ANK1: variants seen among roughly 807,000 people sequenced by gnomAD.
The protein encoded by ANK1 is ankyrin-1.
A neutral mutation model predicts 210.4 loss-of-function variants in ANK1; 51 were observed. The observed-to-expected ratio is 0.24, with a 90% CI of 0.19 to 0.31. ANK1 has a LOEUF of 0.31. ANK1 is among the 10% of genes least tolerant of loss of function. The pLI is 1.00. For synonymous variants in ANK1, 967 were observed against 1,025.9 expected (o/e 0.94, Z 1.10); for missense variants, 2,051 against 2,504.4 (o/e 0.82, Z 3.86).
At chr8:41,716,514 G>A (rs1042907630) in intron 13 of ANK1, among the ~76,000 whole-genome samples, 3 of 152,106 alleles carry the variant, frequency 2.0e-5, no homozygotes, top group Non-Finnish European at 2.9e-5. Flanking sequence ...GCTGTTGGCC[G>A]AGTGAGCAAC....
chr8:41,741,650 G>A (rs1834829937), intron 2 of ANK1, among the ~76,000 whole-genome samples: 4 of 152,046 alleles, frequency 2.6e-5, no homozygotes, highest in Admixed American at 1.3e-4. Context: ...AAGCTGAAGC[G>A]ATTTACGTGG....
chr8:41,728,072 G>A, intron 3 of ANK1, 66 bp from the exon 4 acceptor site: 2 of 1,534,244 alleles, frequency 1.3e-6, no homozygotes, highest in Non-Finnish European at 9.0e-7. Flanking sequence ...ACCAGCAAAG[G>A]TCTGTGGACA....
At chr8:41,733,855 G>A in intron 3 of ANK1, 116 bp downstream of exon 3, 1 of 865,958 alleles carries the variant, frequency 1.2e-6, no homozygotes, top group South Asian at 1.4e-5. Flanking sequence ...GTGATTGGAA[G>A]GATAAGAGAA....
At chr8:41,797,993 G>T (rs1849126487), upstream of ANK1, among the ~76,000 whole-genome samples, 1 of 151,722 alleles carries the variant, frequency 6.6e-6, no homozygotes, top group African/African-American at 2.4e-5. This position sits in a 1 kb window ranked among gnomAD's most constrained non-coding sequence, Gnocchi z 4.0. Flanking sequence ...TACTAAGCGG[G>T]AATTTCTTTT....
chr8:41,722,786 C>T (rs965518427), intron 9 of ANK1, among the ~76,000 whole-genome samples: 16 of 152,184 alleles, frequency 1.1e-4, no homozygotes, highest in African/African-American at 3.6e-4. Context: ...TTGTCAATAA[C>T]GTTTTATTGG....
chr8:41,661,045 T>G (rs1017665775), intron 42 of ANK1: 2 of 262,190 alleles, frequency 7.6e-6, no homozygotes, highest in African/African-American at 4.6e-5. Flanking sequence ...TCTGGCTTTT[T>G]TTTTTCTTTT....
intron 1 of ANK1, among the ~76,000 whole-genome samples, chr8:41,780,665 G>A (rs575779753): frequency 5.3e-5 from 8 of 152,360 alleles, no homozygotes; most frequent in African/African-American, 1.4e-4. Context: ...TGGGCCACCC[G>A]GAGGGAACAT....
intron 1 of ANK1, among the ~76,000 whole-genome samples, chr8:41,794,498 C>G (rs1848367885): frequency 1.3e-5 from 2 of 152,194 alleles, no homozygotes; most frequent in Admixed American, 1.3e-4. Context: ...TTCCCTCTCC[C>G]TCAATAACAG....
chr8:41,776,279 A>G (rs1844023062), intron 1 of ANK1, among the ~76,000 whole-genome samples: 1 of 152,196 alleles, frequency 6.6e-6, no homozygotes. Flanking sequence ...AAAAAATGCC[A>G]GCCACCAATC....
chr8:41,751,750 C>T (rs562172422), intron 2 of ANK1, among the ~76,000 whole-genome samples: 12 of 152,274 alleles, frequency 7.9e-5, no homozygotes, highest in Non-Finnish European at 1.2e-4. Context: ...CCAGTCTTGC[C>T]GCTCTTGTCC....
Position 41,715,732 on chromosome 8 carries a change from G to T in ANK1, c.1522C>A (p.His508Asn), listed in dbSNP as rs1174784933. Reference sequence around the variant, plus strand: ...ACATGGCCCTCACGGGCTGCAATGTGCAGGGGGGTGTGCCCGGCGGTGGTG... The same window carrying T: ...ACATGGCCCTCACGGGCTGCAATGTTCAGGGGGGTGTGCCCGGCGGTGGTG... ...LATTAGHTPL[H>N]IAAREGHVET... Residue 508 changes from histidine to asparagine, a missense_variant, in exon 14 of 43, where the codon CAC (histidine) becomes AAC (asparagine). His to Asn is a moderately conservative substitution (Grantham distance 68). Coordinates refer to ENST00000289734, the MANE Select transcript of ANK1 (RefSeq NM_000037.4). 9 of 1,614,128 alleles carry T rather than the reference G, an allele frequency of 5.6e-6. No homozygotes were observed. The highest frequency in any genetic ancestry group is 5.9e-6 in the Non-Finnish European group (7 of 1,180,056).
At chr8:41,668,187 C>A (rs546485612) in intron 39 of ANK1, 80 bp downstream of exon 39, 2 of 1,590,860 alleles carry the variant, frequency 1.3e-6, no homozygotes, top group South Asian at 1.1e-5. Context: ...GGCTTGAGTG[C>A]CTGAGAGGCA....
chr8:41,846,517 AG>A (rs1319101342), intron 1 of ANK1, among the ~76,000 whole-genome samples: 1 of 152,238 alleles, frequency 6.6e-6, no homozygotes, highest in Non-Finnish European at 1.5e-5. Flanking sequence ...GAAGGCTCGC[AG>A]GGGCTGGCAT....
intron 37 of ANK1, among the ~76,000 whole-genome samples, chr8:41,681,795 C>T (rs746912057): frequency 4.0e-5 from 6 of 150,716 alleles, no homozygotes; most frequent in Non-Finnish European, 7.4e-5. Flanking sequence ...CACAAGGGCA[C>T]CCAGATGAGG....
At chr8:41,663,098 G>GTCTC (rs60380363) in intron 40 of ANK1, among the ~76,000 whole-genome samples, 2,692 of 144,792 alleles carry the variant, frequency 0.019, 63 homozygotes, top group African/African-American at 0.057. Context: ...GTGTGTGTGT[G>GTCTC]TCTCTCTCTC....
chr8:41,878,180 T>C (rs1381976950), intron 1 of ANK1, among the ~76,000 whole-genome samples: 1 of 152,158 alleles, frequency 6.6e-6, no homozygotes, highest in Non-Finnish European at 1.5e-5. Context: ...TAATAGAGAA[T>C]TGAGTCTGCA....
intron 1 of ANK1, among the ~76,000 whole-genome samples, chr8:41,888,749 C>T (rs1157277808): frequency 6.6e-6 from 1 of 152,214 alleles, no homozygotes; most frequent in African/African-American, 2.4e-5. Flanking sequence ...ACAGACTAGC[C>T]AGAAACAAAG....
At chr8:41,873,868 C>T (rs1431740949) in intron 1 of ANK1, among the ~76,000 whole-genome samples, 8 of 152,204 alleles carry the variant, frequency 5.3e-5, no homozygotes, top group Non-Finnish European at 1.0e-4. Context: ...ATACGTTGAA[C>T]CAAGGCTGGC....
intron 2 of ANK1, among the ~76,000 whole-genome samples, chr8:41,737,912 T>C (rs1323925777): frequency 6.6e-6 from 1 of 152,162 alleles, no homozygotes; most frequent in African/African-American, 2.4e-5. Context: ...TCAACAAATA[T>C]TTATGGAGAA....
Sources: gnomAD v4.1 joint callset for allele counts (sites outside exome capture counted in the v4.1 genomes callset) on GRCh38, gnomAD v4.1.1 for gene constraint, Gnocchi (gnomAD v3.1) non-coding constraint, MANE v1.5 for transcripts, NCBI Gene and HGNC (gene_info 2026-07-23, HGNC 2026-07-21) for gene names.